The following PNPLA7 variants were observed in gnomAD, a reference collection of about 807,000 sequenced individuals.
PNPLA7 encodes the protein patatin like domain 7, lysophospholipase, also known as patatin-like phospholipase domain-containing protein 7.
A neutral mutation model predicts 161.7 loss-of-function variants in PNPLA7; 153 were observed. The observed-to-expected ratio is 0.95, with a 90% CI of 0.83 to 1.08. The LOEUF (loss-of-function observed/expected upper bound fraction) is 1.08. Ranked by LOEUF, PNPLA7 falls within the 50% of genes least tolerant of loss-of-function variation. The pLI is 0.00. For synonymous variants in PNPLA7, 809 were observed against 782.1 expected (o/e 1.03, Z -0.57); for missense variants, 1,739 against 1,856.6 (o/e 0.94, Z 1.16).
intron 23 of PNPLA7, 96 bp from the exon 24 acceptor site, chr9:137,479,334 C>T (rs1322191953): frequency 2.9e-6 from 4 of 1,372,466 alleles, no homozygotes; most frequent in South Asian, 1.8e-5. Context: ...GAGGGCAGGA[C>T]CCCGGGAGCA....
At chr9:137,527,687 G>A (rs912226515) in intron 8 of PNPLA7, among the ~76,000 whole-genome samples, 1 of 152,164 alleles carries the variant, frequency 6.6e-6, no homozygotes, top group South Asian at 2.1e-4. Flanking sequence ...TGTTTCTAAT[G>A]ATGAGTGACT....
intron 26 of PNPLA7, chr9:137,464,793 T>G: frequency 6.4e-6 from 2 of 311,598 alleles, no homozygotes; most frequent in South Asian, 3.6e-5. Flanking sequence ...GGCCTGCCCA[T>G]GCCCGTGGCT....
At position 137,498,200 on chromosome 9, in the gene PNPLA7, A is replaced by G. The variant is rs371923139; in HGVS notation, c.1803T>C (p.Thr601=). 7.4e-6 allele frequency: 12 copies of G among 1,612,562 alleles called. No homozygotes were observed. Among genetic ancestry groups the G allele is most frequent in the Admixed American group, 6.7e-5 (4 of 60,004 alleles). Residue 601 remains threonine, a synonymous_variant, in exon 17 of 35, where the codon ACT becomes ACC. Coordinates refer to ENST00000406427, the MANE Select transcript of PNPLA7 (RefSeq NM_001098537.3). ...CGAAGGACGACATCCTCTTCACCAC[A>G]GTGTGCGCCACACCCAGGACGACGG... ...QPTVVLGVAH[T]VVKRMSSFVR...
intron 8 of PNPLA7, among the ~76,000 whole-genome samples, chr9:137,532,133 T>C (rs1373403832): frequency 6.6e-6 from 1 of 152,134 alleles, no homozygotes; most frequent in African/African-American, 2.4e-5. Flanking sequence ...AAAGACTATC[T>C]CCCATTAAAA....
chr9:137,522,915 T>C, intron 8 of PNPLA7, 58 bp from the exon 9 acceptor site: 1 of 1,595,632 alleles, frequency 6.3e-7, no homozygotes, highest in Non-Finnish European at 8.5e-7. Flanking sequence ...CCCCAGGGAA[T>C]GCCAAGGCTC....
chr9:137,545,696 T>C (rs916193914), intron 4 of PNPLA7, among the ~76,000 whole-genome samples: 33 of 152,250 alleles, frequency 2.2e-4, no homozygotes, highest in South Asian at 1.0e-3. Flanking sequence ...TCTATAATCA[T>C]AGCCTAGGAA....
chr9:137,479,496 G>T, intron 23 of PNPLA7: 2 of 1,203,922 alleles, frequency 1.7e-6, no homozygotes, highest in Non-Finnish European at 2.1e-6. Context: ...CTCTAACACT[G>T]CCTCATAAAC....
intron 31 of PNPLA7, 31 bp downstream of exon 31, chr9:137,462,148 G>T (rs369614791): frequency 1.9e-6 from 3 of 1,544,928 alleles, no homozygotes; most frequent in East Asian, 2.3e-5. Context: ...GCCTCCGCCC[G>T]CCTCCGCCGC....
At chr9:137,498,357 G>T (rs1833182829) in intron 16 of PNPLA7, 112 bp from the exon 17 acceptor site, 2 of 1,475,030 alleles carry the variant, frequency 1.4e-6, no homozygotes, top group African/African-American at 2.8e-5. Flanking sequence ...CACCCGGAAA[G>T]TAGAGAGACC....
rs1457060990 is a variant in PNPLA7 at position 137,468,064 on chromosome 9, TG to T, written c.2883-592del. Among the ~76,000 whole-genome samples the T allele has an allele frequency of 4.0e-5, 6 of 150,548 alleles. No individual in the cohort carries two copies. Among genetic ancestry groups the T allele is most frequent in the Admixed American group, 1.3e-4 (2 of 15,164 alleles). On this transcript the variant is annotated intron_variant, in intron 25 of 34. Transcript: ENST00000406427. This position sits in a 1 kb window ranked among gnomAD's most constrained non-coding sequence, Gnocchi z 4.0. ...CTCCAGCAGGGCGTCTGAGAGGTGG[TG>T]GGAAAACTGGACTTGAGGGGCCCTG...
chr9:137,505,482 C>G (rs1010362546), intron 14 of PNPLA7, 132 bp downstream of exon 14: 6 of 1,061,986 alleles, frequency 5.6e-6, no homozygotes, highest in African/African-American at 1.6e-5. Flanking sequence ...GACAAGCAAG[C>G]CTGCACTCCA....
chr9:137,544,482 C>A (rs897874263), intron 4 of PNPLA7, among the ~76,000 whole-genome samples: 3 of 152,226 alleles, frequency 2.0e-5, no homozygotes, highest in Admixed American at 6.5e-5. Context: ...CTCCAGACCA[C>A]CCTACGCCCT....
Position 137,510,458 on chromosome 9 carries a change from G to A in PNPLA7, c.1226-4375C>T, listed in dbSNP as rs998606625. 3.3e-5 allele frequency among the ~76,000 whole-genome samples: 5 copies of A among 152,164 alleles called. No homozygotes were observed. In the East Asian group the frequency reaches 9.6e-4, roughly 29 times the overall value. On this transcript the variant is annotated intron_variant, in intron 12 of 34. Transcript: ENST00000406427. ...AATGGCGTAAGCTGTCTTTCTGTCTGTCTCCTCTCCCTCTCTGCCTCGGCT... is the reference window on the plus strand; with the variant it reads ...AATGGCGTAAGCTGTCTTTCTGTCTATCTCCTCTCCCTCTCTGCCTCGGCT...
chr9:137,464,037 G>T, intron 28 of PNPLA7, 89 bp downstream of exon 28: 1 of 1,407,038 alleles, frequency 7.1e-7, no homozygotes, highest in Non-Finnish European at 9.7e-7. Flanking sequence ...AGGAGACCCC[G>T]CGGCCTTCCC....
In PNPLA7 at chr9:137,487,042, G is replaced by C. The variant is rs576297853; in HGVS notation, c.2198-2306C>G. Among the ~76,000 whole-genome samples, 892 of 143,708 alleles carry C rather than the reference G, an allele frequency of 6.2e-3. 5 individuals carry two copies. Among genetic ancestry groups the C allele is most frequent in the African/African-American group, 0.022 (846 of 38,288 alleles). 94.3% of individuals were successfully genotyped at this position (143,708 alleles called of 152,430 possible). A position where few individuals can be genotyped will look rare whatever the true frequency, so the allele number is the denominator to read the frequency against. Reference sequence around the variant, plus strand: ...TCCAATTTCATCCCTGACCCAACTCGACTGCAGCTCTAGGAGAAGGTTCTT... The same window carrying C: ...TCCAATTTCATCCCTGACCCAACTCCACTGCAGCTCTAGGAGAAGGTTCTT... On this transcript the variant is annotated intron_variant, in intron 20 of 34. Transcript: ENST00000406427.
intron 4 of PNPLA7, 97 bp downstream of exon 4, chr9:137,546,733 C>G: frequency 1.7e-6 from 2 of 1,150,846 alleles, no homozygotes; most frequent in South Asian, 2.6e-5. Flanking sequence ...ACACCAAGCA[C>G]TGCCCAGCCT....
Position 137,522,754 on chromosome 9 carries a change from G to A in PNPLA7, c.851C>T (p.Pro284Leu), listed in dbSNP as rs757158027. The A allele has an allele frequency of 8.7e-5, 140 of 1,613,662 alleles. 1 individual carries two copies. In the East Asian group the frequency reaches 2.2e-3, roughly 26 times the overall value. ...CTGCACCACCCTCACCAGAGTTTCC[G>A]GATATTTCTCAAAAACTCCATGAAA... is the stretch of plus-strand genomic sequence containing the variant. ...AAFHGVFEKY[P>L]ETLVRVVQII... The change falls in exon 9 of 35, where the codon CCG becomes CTG. Residue 284 changes from proline (P) to leucine (L), a missense_variant. Pro to Leu is a moderately conservative substitution (Grantham distance 98). Around this residue, in one of 6 missense-constraint regions of PNPLA7, gnomAD observed 152 missense variants for 193.5 expected, o/e 0.79. Transcript: ENST00000406427.
intron 20 of PNPLA7, chr9:137,492,474 T>C (rs545643203): frequency 1.3e-5 from 1 of 77,274 alleles, no homozygotes; most frequent in Non-Finnish European, 2.6e-5. Flanking sequence ...GGACCATGGG[T>C]GGGCGGGGCT....
At chr9:137,531,957 G>A (rs1835601601) in intron 8 of PNPLA7, among the ~76,000 whole-genome samples, 1 of 152,182 alleles carries the variant, frequency 6.6e-6, no homozygotes, top group African/African-American at 2.4e-5. Flanking sequence ...TTTAGAGACA[G>A]GGTCCTGCTA....
Sources: gnomAD v4.1 joint callset for allele counts (sites outside exome capture counted in the v4.1 genomes callset) on GRCh38, gnomAD v4.1.1 for gene constraint, gnomAD v4.1.1 regional missense constraint, Gnocchi (gnomAD v3.1) non-coding constraint, MANE v1.5 for transcripts, NCBI Gene and HGNC (gene_info 2026-07-23, HGNC 2026-07-21) for gene names.